COPA: variants seen among roughly 807,000 people sequenced by gnomAD.
The protein encoded by COPA is coat protein complex I subunit alpha, also known as coatomer subunit alpha.
In COPA, 10 loss-of-function variants were observed where a neutral mutation model predicts 158.7. The observed-to-expected ratio is 0.06, with a 90% CI of 0.04 to 0.11. The LOEUF is 0.11. Among genes scored for constraint, COPA ranks in the 10% least tolerant of loss-of-function variants. The pLI, the probability that COPA is intolerant of heterozygous loss-of-function variation, is 1.00. For missense variants in COPA, 1,065 were observed against 1,536.7 expected (o/e 0.69, Z 5.13); for synonymous variants, 462 against 542.8 (o/e 0.85, Z 2.07).
chr1:160,292,886 C>T (rs1201106398), intron 27 of COPA, among the ~76,000 whole-genome samples: 1 of 152,118 alleles, frequency 6.6e-6, no homozygotes, highest in Admixed American at 6.5e-5. Context: ...TCAAAACAGA[C>T]CTCTGCTTGG....
intron 8 of COPA, among the ~76,000 whole-genome samples, chr1:160,320,161 C>T (rs1659287283): frequency 6.6e-6 from 1 of 151,842 alleles, no homozygotes; most frequent in South Asian, 2.1e-4. Context: ...GAGAGAAGAT[C>T]CAAATAAATA....
chr1:160,310,699 T>G (rs1055533458), intron 11 of COPA, among the ~76,000 whole-genome samples: 7 of 152,164 alleles, frequency 4.6e-5, no homozygotes, highest in African/African-American at 9.7e-5. Flanking sequence ...TATCAAAACC[T>G]CATTCCAAAT....
intron 15 of COPA, 48 bp from the exon 16 acceptor site, chr1:160,305,821 T>C (rs1185922323): frequency 7.3e-6 from 11 of 1,507,148 alleles, no homozygotes; most frequent in Non-Finnish European, 1.0e-5. Flanking sequence ...ATTTCCCTTG[T>C]CTCAGGCTTT....
intron 5 of COPA, 140 bp downstream of exon 5, chr1:160,333,463 A>T (rs1309313314): frequency 5.4e-6 from 3 of 554,714 alleles, no homozygotes; most frequent in Non-Finnish European, 9.3e-6. Context: ...TTGCACTTAA[A>T]AGCATCCTAC....
At chr1:160,323,575 C>A in intron 7 of COPA, 45 bp from the exon 8 acceptor site, 1 of 1,454,842 alleles carries the variant, frequency 6.9e-7, no homozygotes, top group Non-Finnish European at 9.4e-7. Flanking sequence ...ATAGTCATTA[C>A]TCAAAGCAAA....
chr1:160,331,522 G>A (rs112169032), intron 6 of COPA, among the ~76,000 whole-genome samples: 1,765 of 151,448 alleles, frequency 0.012, 40 homozygotes, highest in African/African-American at 0.041. Context: ...GCGTGGTGGC[G>A]TGCACCTGTA....
chr1:160,312,039 G>A, intron 10 of COPA, 21 bp from the exon 11 acceptor site: 2 of 1,606,098 alleles, frequency 1.2e-6, no homozygotes, highest in Non-Finnish European at 1.7e-6. Context: ...GGGAGAGGAG[G>A]AGAAAAAATT....
intron 11 of COPA, among the ~76,000 whole-genome samples, chr1:160,311,027 A>C (rs1658949807): frequency 6.6e-6 from 1 of 152,152 alleles, no homozygotes; most frequent in Non-Finnish European, 1.5e-5. Flanking sequence ...TCAAGAAGGG[A>C]ACTATCATTC....
intron 19 of COPA, 134 bp downstream of exon 19, chr1:160,298,711 A>G: frequency 9.0e-7 from 1 of 1,113,548 alleles, no homozygotes; most frequent in Non-Finnish European, 1.3e-6. Context: ...AGATGGCTCA[A>G]TGTAACAACT....
chr1:160,331,287 T>G (rs1410534566), intron 6 of COPA, among the ~76,000 whole-genome samples: 4 of 152,142 alleles, frequency 2.6e-5, no homozygotes, highest in African/African-American at 7.2e-5. Flanking sequence ...ATGTAAACTG[T>G]AAAAGGAGGA....
chr1:160,296,000 T>A, intron 22 of COPA, 61 bp downstream of exon 22: 1 of 1,588,270 alleles, frequency 6.3e-7, no homozygotes, highest in Non-Finnish European at 8.6e-7. Flanking sequence ...TAATTTTAAA[T>A]TGTTCTAAGA....
At chr1:160,338,008 C>T (rs1424084252) in intron 3 of COPA, among the ~76,000 whole-genome samples, 1 of 152,194 alleles carries the variant, frequency 6.6e-6, no homozygotes, top group East Asian at 1.9e-4. Context: ...CCCCTCCAAC[C>T]CTAGACAATC....
At chr1:160,339,593 G>T in intron 3 of COPA, 1 of 213,050 alleles carries the variant, frequency 4.7e-6, no homozygotes, top group Non-Finnish European at 9.5e-6. Context: ...ATTTCACTGT[G>T]AATATCTCTC....
In COPA at chr1:160,299,084, T is replaced by C. The variant is rs1272860826; in HGVS notation, c.1830+18A>G. 3 of 1,611,542 alleles carry C rather than the reference T, an allele frequency of 1.9e-6. No individual in the cohort carries two copies. In the African/African-American group the frequency reaches 4.0e-5, roughly 22 times the overall value. ...TGCTGCCTCTCTTAATACTCTAGTT[T>C]GCATCCTCACTTCATACCTCATCAT... On this transcript the variant is annotated intron_variant, in intron 18 of 32. Coordinates refer to ENST00000241704, the MANE Select transcript of COPA (RefSeq NM_004371.4).
intron 31 of COPA, 145 bp downstream of exon 31, chr1:160,291,190 G>A: frequency 1.1e-6 from 1 of 907,018 alleles, no homozygotes; most frequent in South Asian, 1.6e-5. Flanking sequence ...ACCAAGTCAG[G>A]AAGTAAACAG....
At chr1:160,291,574 A>G in intron 30 of COPA, 78 bp from the exon 31 acceptor site, 1 of 1,516,356 alleles carries the variant, frequency 6.6e-7, no homozygotes. Context: ...CTACACATGC[A>G]TAAAAAACAC....
chr1:160,313,928 T>A, intron 9 of COPA, 62 bp downstream of exon 9: 1 of 1,458,202 alleles, frequency 6.9e-7, no homozygotes, highest in East Asian at 2.4e-5. Context: ...AAAGAAGTAT[T>A]CCAATCTAAT....
intron 8 of COPA, among the ~76,000 whole-genome samples, chr1:160,318,025 T>C (rs769024134): frequency 3.9e-5 from 6 of 152,204 alleles, no homozygotes; most frequent in Admixed American, 2.6e-4. Flanking sequence ...GCGTTCATAA[T>C]AACTTGCGAA....
chr1:160,292,344 C>G, intron 28 of COPA, 140 bp downstream of exon 28: 1 of 1,567,798 alleles, frequency 6.4e-7, no homozygotes, highest in Non-Finnish European at 8.6e-7. Flanking sequence ...GTAAACCAAC[C>G]CCATAGAGTA....
Sources: gnomAD v4.1 joint callset for allele counts (sites outside exome capture counted in the v4.1 genomes callset) on GRCh38, gnomAD v4.1.1 for gene constraint, MANE v1.5 for transcripts, NCBI Gene and HGNC (gene_info 2026-07-23, HGNC 2026-07-21) for gene names.